UNC13C: variants seen among roughly 807,000 people sequenced by gnomAD.
UNC13C encodes the protein protein unc-13 homolog C.
A neutral mutation model predicts 245.4 loss-of-function variants in UNC13C; 174 were observed. The observed-to-expected ratio is 0.71, with a 90% confidence interval of 0.63 to 0.80. The LOEUF is 0.80. UNC13C is among the 30% of genes least tolerant of loss of function. The probability of loss-of-function intolerance (pLI) is 0.00; values close to 1 mark genes in which losing one functional copy is unlikely to be tolerated. For synonymous variants in UNC13C, 992 were observed against 895.1 expected (o/e 1.11, Z -1.93); for missense variants, 2,829 against 2,602.9 (o/e 1.09, Z -1.89).
chr15:54,102,500 A>G (rs1405752515), intron 2 of UNC13C, among the ~76,000 whole-genome samples: 1 of 151,910 alleles, frequency 6.6e-6, no homozygotes, highest in Non-Finnish European at 1.5e-5. Flanking sequence ...CTTTCCCTAA[A>G]CTCTTAAGGC....
intron 4 of UNC13C, among the ~76,000 whole-genome samples, chr15:54,145,695 G>A (rs939292223): frequency 4.6e-5 from 7 of 152,166 alleles, no homozygotes; most frequent in Non-Finnish European, 8.8e-5. Flanking sequence ...TATGAAAATT[G>A]TTGGGACATC....
intron 4 of UNC13C, among the ~76,000 whole-genome samples, chr15:54,146,591 G>C (rs888687794): frequency 4.6e-5 from 7 of 152,356 alleles, no homozygotes; most frequent in African/African-American, 1.2e-4. Context: ...AAGAGGGACA[G>C]AGAAGAGGTG....
At chr15:53,995,185 G>A (rs1315670700) in intron 1 of UNC13C, among the ~76,000 whole-genome samples, 2 of 152,054 alleles carry the variant, frequency 1.3e-5, no homozygotes, top group African/African-American at 2.4e-5. Flanking sequence ...AGGAATTAAT[G>A]CAAAGAATAG....
At chr15:54,183,590 C>G (rs1232380638) in intron 4 of UNC13C, among the ~76,000 whole-genome samples, 1 of 151,398 alleles carries the variant, frequency 6.6e-6, no homozygotes, top group Non-Finnish European at 1.5e-5. Context: ...GTTAAAATGT[C>G]CAAAAGAAAT....
intron 26 of UNC13C, among the ~76,000 whole-genome samples, chr15:54,545,137 A>G (rs1032540948): frequency 3.3e-5 from 5 of 152,204 alleles, no homozygotes; most frequent in African/African-American, 1.2e-4. Context: ...ACTCAGAAAT[A>G]ACACCACACA....
At chr15:54,018,673 C>A (rs1308382286) in intron 2 of UNC13C, among the ~76,000 whole-genome samples, 2 of 152,164 alleles carry the variant, frequency 1.3e-5, no homozygotes, top group Non-Finnish European at 1.5e-5. Context: ...CCACCTTCAG[C>A]CTTGTACCAC....
chr15:54,277,175 A>G (rs1316144732), intron 10 of UNC13C, among the ~76,000 whole-genome samples: 1 of 152,056 alleles, frequency 6.6e-6, no homozygotes, highest in East Asian at 1.9e-4. Flanking sequence ...CATCTCCACA[A>G]TGTTTTCCTG....
chr15:54,099,113 A>G (rs1864416), intron 2 of UNC13C, among the ~76,000 whole-genome samples: 1 of 152,074 alleles, frequency 6.6e-6, no homozygotes, highest in African/African-American at 2.4e-5. Flanking sequence ...TTGATGAGCT[A>G]GTAAAGTTCT....
intron 19 of UNC13C, among the ~76,000 whole-genome samples, chr15:54,424,855 G>A (rs557901991): frequency 6.6e-4 from 101 of 151,894 alleles, no homozygotes; most frequent in African/African-American, 2.2e-3. Context: ...AAAATGTTTC[G>A]TGGGTAAATT....
chr15:54,273,796 C>A (rs2036756301), intron 10 of UNC13C, among the ~76,000 whole-genome samples: 1 of 152,156 alleles, frequency 6.6e-6, no homozygotes, highest in African/African-American at 2.4e-5. Context: ...CATTCCCTCA[C>A]TTCTTGGATG....
At chr15:53,887,726 C>T in the UNC13C span, among the ~76,000 whole-genome samples, 26,778 of 152,038 alleles carry the variant, frequency 0.18, 2,906 homozygotes, top group Non-Finnish European at 0.25. Flanking sequence ...CCCCACCCCC[C>T]GATAGTGTGA....
chr15:53,981,490 G>A (rs1893925725), intron 1 of UNC13C, among the ~76,000 whole-genome samples: 1 of 152,100 alleles, frequency 6.6e-6, no homozygotes, highest in South Asian at 2.1e-4. Flanking sequence ...TTGGTAATAT[G>A]CATTTAGAAT....
At chr15:54,268,949 C>T (rs769176665) in intron 10 of UNC13C, among the ~76,000 whole-genome samples, 9 of 151,872 alleles carry the variant, frequency 5.9e-5, no homozygotes, top group Non-Finnish European at 1.3e-4. Flanking sequence ...GATATTATGC[C>T]CTGTGACCTC....
the UNC13C span, among the ~76,000 whole-genome samples, chr15:53,845,166 A>C: frequency 6.6e-6 from 1 of 151,976 alleles, no homozygotes; most frequent in South Asian, 2.1e-4. Context: ...TCTACTAAAA[A>C]TATAAAAATT....
chr15:54,512,194 T>A (rs892246367), intron 24 of UNC13C, among the ~76,000 whole-genome samples: 1 of 152,170 alleles, frequency 6.6e-6, no homozygotes, highest in Admixed American at 6.6e-5. Flanking sequence ...ATATCAATGT[T>A]TATTCTGCAA....
intron 24 of UNC13C, among the ~76,000 whole-genome samples, chr15:54,519,576 A>T (rs990483369): frequency 2.1e-4 from 32 of 152,302 alleles, no homozygotes; most frequent in African/African-American, 7.2e-4. Flanking sequence ...GAATTTATAC[A>T]ACTGATACCT....
chr15:54,481,361 C>T (rs1320111779), intron 19 of UNC13C, among the ~76,000 whole-genome samples: 1 of 151,862 alleles, frequency 6.6e-6, no homozygotes, highest in Admixed American at 6.6e-5. Context: ...GTCCCTGACC[C>T]CTGAGAAACA....
chr15:54,618,800 T>C (rs1900615117), intron 30 of UNC13C, among the ~76,000 whole-genome samples: 1 of 152,156 alleles, frequency 6.6e-6, no homozygotes. Flanking sequence ...TATAGTTCTT[T>C]TCACAGTAAT....
chr15:54,200,367 T>C (rs2034484542), intron 4 of UNC13C, among the ~76,000 whole-genome samples: 2 of 151,986 alleles, frequency 1.3e-5, no homozygotes. Context: ...ACCTAACAAC[T>C]GCAGAATACA....
Sources: gnomAD v4.1 joint callset for allele counts (sites outside exome capture counted in the v4.1 genomes callset) on GRCh38, gnomAD v4.1.1 for gene constraint, MANE v1.5 for transcripts, NCBI Gene and HGNC (gene_info 2026-07-23, HGNC 2026-07-21) for gene names.